The following SKAP1 variants were observed in gnomAD, a reference collection of about 807,000 sequenced individuals.
SKAP1 encodes src kinase associated phosphoprotein 1.
Under a neutral mutation model 58.5 loss-of-function variants are expected in SKAP1, and 44 were observed. That is an observed-to-expected ratio of 0.75 (90% confidence interval 0.59 to 0.97). The LOEUF is 0.97. Ranked by LOEUF, SKAP1 falls within the 50% of genes least tolerant of loss-of-function variation. SKAP1 has a pLI of 0.00. For missense variants in SKAP1, 390 were observed against 435.2 expected (o/e 0.90, Z 0.92); for synonymous variants, 127 against 149.7 (o/e 0.85, Z 1.11).
chr17:48,342,101 A>T (rs972054193), intron 4 of SKAP1, among the ~76,000 whole-genome samples: 6 of 152,186 alleles, frequency 3.9e-5, no homozygotes, highest in Non-Finnish European at 5.9e-5. Flanking sequence ...AAACAATCAG[A>T]TCTTGAGCTT....
At chr17:48,316,549 T>C (rs976924706) in intron 4 of SKAP1, among the ~76,000 whole-genome samples, 16 of 152,170 alleles carry the variant, frequency 1.1e-4, no homozygotes, top group African/African-American at 3.6e-4. Context: ...TTCAGACCAT[T>C]TACCATGGCT....
intron 4 of SKAP1, among the ~76,000 whole-genome samples, chr17:48,233,312 G>A (rs2065144263): frequency 6.6e-6 from 1 of 152,110 alleles, no homozygotes; most frequent in Non-Finnish European, 1.5e-5. Flanking sequence ...TTGAGATTAA[G>A]GTGAAGGAGG....
chr17:48,309,592 G>A (rs1179690253), intron 4 of SKAP1, among the ~76,000 whole-genome samples: 1 of 151,760 alleles, frequency 6.6e-6, no homozygotes, highest in Non-Finnish European at 1.5e-5. Context: ...CATATGTGTT[G>A]GTATATATAT....
intron 4 of SKAP1, among the ~76,000 whole-genome samples, chr17:48,198,749 A>G (rs1414041150): frequency 6.6e-6 from 1 of 152,202 alleles, no homozygotes; most frequent in Non-Finnish European, 1.5e-5. Flanking sequence ...TTTATCAATA[A>G]CACATATCTG....
chr17:48,223,144 G>A (rs2065025393), intron 4 of SKAP1, among the ~76,000 whole-genome samples: 1 of 149,002 alleles, frequency 6.7e-6, no homozygotes, highest in Non-Finnish European at 1.5e-5. Flanking sequence ...AATGCTACCA[G>A]ATTTTAAGCT....
chr17:48,386,836 T>C (rs1312418104), intron 2 of SKAP1, among the ~76,000 whole-genome samples: 2 of 152,220 alleles, frequency 1.3e-5, no homozygotes, highest in African/African-American at 4.8e-5. Context: ...ATCTATCTCA[T>C]GTGATTAAAT....
chr17:48,422,480 G>C (rs2067806611), intron 1 of SKAP1, among the ~76,000 whole-genome samples: 1 of 152,012 alleles, frequency 6.6e-6, no homozygotes, highest in Non-Finnish European at 1.5e-5. Flanking sequence ...CTGTAAGATA[G>C]GTACCACTAT....
intron 4 of SKAP1, among the ~76,000 whole-genome samples, chr17:48,250,640 T>A (rs1050611972): frequency 1.3e-5 from 2 of 152,132 alleles, no homozygotes; most frequent in African/African-American, 2.4e-5. Context: ...TTAGTCTAAA[T>A]ATGCGATCTT....
chr17:48,148,879 A>C (rs973193829), intron 11 of SKAP1, among the ~76,000 whole-genome samples: 1 of 152,218 alleles, frequency 6.6e-6, no homozygotes, highest in Non-Finnish European at 1.5e-5. Flanking sequence ...GTTTGGTGCA[A>C]AACAGGGTAG....
chr17:48,317,267 T>G (rs1332248092), intron 4 of SKAP1, among the ~76,000 whole-genome samples: 1 of 152,196 alleles, frequency 6.6e-6, no homozygotes, highest in Non-Finnish European at 1.5e-5. Flanking sequence ...TATCTCAATG[T>G]TGATATAAAA....
intron 4 of SKAP1, among the ~76,000 whole-genome samples, chr17:48,233,960 T>C (rs1349489401): frequency 1.3e-5 from 2 of 152,210 alleles, no homozygotes; most frequent in African/African-American, 2.4e-5. Flanking sequence ...TGTTTGAGTG[T>C]TTGGTTTTTT....
chr17:48,404,045 C>T (rs12948086), intron 1 of SKAP1, among the ~76,000 whole-genome samples: 30,723 of 147,132 alleles, frequency 0.21, 3,205 homozygotes, highest in Non-Finnish European at 0.22. Flanking sequence ...GCTGAGATTG[C>T]GCCACTGCAC....
intron 1 of SKAP1, among the ~76,000 whole-genome samples, chr17:48,403,204 A>G (rs1311806230): frequency 6.6e-6 from 1 of 151,554 alleles, no homozygotes; most frequent in Non-Finnish European, 1.5e-5. Flanking sequence ...CTCTACAAAA[A>G]AAAAAAAAAA....
chr17:48,257,613 CTTTTT>C (rs1567841154), intron 4 of SKAP1, among the ~76,000 whole-genome samples: 2 of 130,070 alleles, frequency 1.5e-5, no homozygotes, highest in African/African-American at 5.7e-5. Flanking sequence ...CTTTTCTTTT[CTTTTT>C]TCTTTCTTTC....
chr17:48,286,405 A>G (rs892696484), intron 4 of SKAP1, among the ~76,000 whole-genome samples: 2 of 152,138 alleles, frequency 1.3e-5, no homozygotes, highest in Admixed American at 6.5e-5. Context: ...TAAACCACAT[A>G]CTCCCAGAAG....
intron 2 of SKAP1, among the ~76,000 whole-genome samples, chr17:48,373,294 T>C (rs2067109702): frequency 6.6e-6 from 1 of 152,132 alleles, no homozygotes; most frequent in Non-Finnish European, 1.5e-5. Context: ...CAACCAGATC[T>C]TGTGAGAACC....
chr17:48,173,221 A>AAT (rs145314055), intron 9 of SKAP1, among the ~76,000 whole-genome samples: 3,957 of 151,054 alleles, frequency 0.026, 152 homozygotes, highest in African/African-American at 0.088. Context: ...TGGGAAATAA[A>AAT]ATATATATAT....
At chr17:48,146,479 C>T (rs1330702330) in intron 11 of SKAP1, among the ~76,000 whole-genome samples, 12 of 130,880 alleles carry the variant, frequency 9.2e-5, no homozygotes, top group African/African-American at 2.9e-4. Context: ...GGCAACAGAG[C>T]GAGACTCCAT....
At chr17:48,354,259 G>T (rs2066845545) in intron 3 of SKAP1, among the ~76,000 whole-genome samples, 1 of 152,186 alleles carries the variant, frequency 6.6e-6, no homozygotes, top group Non-Finnish European at 1.5e-5. Context: ...TCACATATTT[G>T]ACAACATGTA....
Sources: allele counts gnomAD v4.1 joint callset (sites outside exome capture counted in the v4.1 genomes callset), GRCh38; gene constraint gnomAD v4.1.1; transcripts MANE v1.5; gene names NCBI Gene and HGNC (gene_info 2026-07-23, HGNC 2026-07-21).